Variants in ERICH3 observed in about 807,000 individuals in gnomAD.
ERICH3 encodes glutamate rich 3, also known as glutamate-rich protein 3.
In ERICH3, 126 loss-of-function variants were observed where a neutral mutation model predicts 131.1. The ratio of observed to expected loss-of-function variants is 0.96; its 90% CI spans 0.83 to 1.11. ERICH3 has a LOEUF of 1.11. ERICH3 is among the 50% of genes most tolerant of loss of function. ERICH3 has a pLI of 0.00. For missense variants in ERICH3, 2,050 were observed against 1,810.7 expected (o/e 1.13, Z -2.40); for synonymous variants, 695 against 644.6 (o/e 1.08, Z -1.18).
chr1:74,579,934 GAT>G (rs1171421752), intron 12 of ERICH3: 5 of 942,174 alleles, frequency 5.3e-6, no homozygotes, highest in Non-Finnish European at 6.3e-6. Flanking sequence ...TCACTCAAAT[GAT>G]ATAATGATAC....
rs549220922 is a variant in ERICH3 at position 74,580,466 on chromosome 1, A to C, written c.2177-3530T>G. The stretch of plus-strand genomic sequence containing the variant: ...CATTCCTGGAATATGAATTGCTATG[A>C]ATTTTTAGAAGCTTTTTATACATAT... On this transcript the variant is annotated intron_variant, in intron 12 of 14. Transcript: ENST00000326665. Among the ~76,000 whole-genome samples, 371 of 152,326 alleles carry C rather than the reference A, an allele frequency of 2.4e-3. 3 individuals carry two copies. Among genetic ancestry groups the C allele is most frequent in the African/African-American group, 8.6e-3 (357 of 41,582 alleles).
Position 74,641,313 on chromosome 1 carries a change from G to A in ERICH3, c.444+18C>T, listed in dbSNP as rs991466688. On this transcript the variant is annotated intron_variant, in intron 5 of 14. Transcript: ENST00000326665. ...ATTAGCTGGGATACTGCATGACGAA[G>A]TGTTTAATATTACTCACCAGTGCTA... is the stretch of plus-strand genomic sequence containing the variant. The A allele has an allele frequency of 2.5e-6, 4 of 1,608,550 alleles. No individual in the cohort carries two copies. The highest frequency in any genetic ancestry group is 2.7e-5 in the African/African-American group (2 of 74,364).
intron 13 of ERICH3, among the ~76,000 whole-genome samples, chr1:74,573,833 C>T (rs1647004456): frequency 1.3e-5 from 2 of 152,134 alleles, no homozygotes; most frequent in Admixed American, 6.5e-5. Context: ...AAAATCTCCA[C>T]CTCACTCTTT....
chr1:74,605,396 A>G (rs1306559935), intron 10 of ERICH3, among the ~76,000 whole-genome samples: 4 of 151,896 alleles, frequency 2.6e-5, no homozygotes, highest in Non-Finnish European at 1.5e-5. Flanking sequence ...AACTTCCTTC[A>G]GGAACTTTTC....
At chr1:74,663,800 A>G (rs1271474420) in intron 1 of ERICH3, among the ~76,000 whole-genome samples, 1 of 151,996 alleles carries the variant, frequency 6.6e-6, no homozygotes, top group African/African-American at 2.4e-5. Context: ...ACCTACCTGT[A>G]GGACTACTCA....
Position 74,646,782 on chromosome 1 carries a change from C to G in ERICH3, c.128G>C (p.Ser43Thr). Residue 43 changes from serine to threonine, a missense_variant, in exon 3 of 15, where the codon AGT (serine) becomes ACT (threonine). Coordinates refer to ENST00000326665, the MANE Select transcript of ERICH3 (RefSeq NM_001002912.5). ...HLLRSGLITR[S>T]GRILSEKEYK... Reference sequence around the variant, plus strand: ...TTCTTTTTCAGAAAGTATTCTTCCACTTCTTGTGATCTGTCATGAATAAAT... The same window carrying G: ...TTCTTTTTCAGAAAGTATTCTTCCAGTTCTTGTGATCTGTCATGAATAAAT... 1.4e-6 allele frequency: 2 copies of G among 1,472,934 alleles called. No individual in the cohort carries two copies. Among genetic ancestry groups the G allele is most frequent in the Non-Finnish European group, 1.8e-6 (2 of 1,083,568 alleles). The allele number at this position is 1,472,934 out of a possible 1,614,324, so 91.2% of individuals were successfully genotyped here.
rs753986445 is a variant in ERICH3, at chr1:74,599,850, T to C, written c.1571A>G (p.Asn524Ser). Residue 524 changes from asparagine (N) to serine (S), a missense_variant, in exon 11 of 15, where the codon AAT becomes AGT. Transcript: ENST00000326665. ...NEEGQADVQM[N>S]GIPQSPLDDK... Reference sequence around the variant, plus strand: ...ATCCAAAGGTGACTGCGGTATTCCATTCATTTGAACATCAGCCTGTCCTTC... The same window carrying C: ...ATCCAAAGGTGACTGCGGTATTCCACTCATTTGAACATCAGCCTGTCCTTC... 2.5e-6 allele frequency: 4 copies of C among 1,612,502 alleles called. No individual in the cohort carries two copies. The highest frequency in any genetic ancestry group is 3.4e-6 in the Non-Finnish European group (4 of 1,178,988).
chr1:74,572,218 T>C lies in ERICH3; in HGVS notation c.3492A>G (p.Glu1164=), dbSNP rs779873830. 23 of 1,614,172 alleles carry C rather than the reference T, an allele frequency of 1.4e-5. No individual in the cohort carries two copies. The highest frequency in any genetic ancestry group is 1.9e-5 in the Non-Finnish European group (23 of 1,180,014). Residue 1164 remains glutamate (E), a synonymous_variant, in exon 14 of 15, where the codon GAA becomes GAG. Coordinates refer to ENST00000326665, the MANE Select transcript of ERICH3 (RefSeq NM_001002912.5). ...GAGCTGTTATGTTTTCCAGCGACTT[T>C]TCAAATCCAGGCGTTGCTTCAAATA... ...VPIFEATPGF[E]KSLENITALR...
intron 12 of ERICH3, chr1:74,579,949 T>C (rs1003978102): frequency 2.2e-6 from 2 of 913,836 alleles, no homozygotes; most frequent in Non-Finnish European, 2.6e-6. Context: ...AATGATACTT[T>C]AAGGTATTTT....
chr1:74,657,946 C>A (rs1646601625), intron 1 of ERICH3, among the ~76,000 whole-genome samples: 1 of 152,084 alleles, frequency 6.6e-6, no homozygotes. Context: ...GGAAAGGTGA[C>A]CAGAATGGAA....
At chr1:74,594,551 C>T (rs1164720359) in intron 11 of ERICH3, among the ~76,000 whole-genome samples, 1 of 152,046 alleles carries the variant, frequency 6.6e-6, no homozygotes, top group African/African-American at 2.4e-5. Flanking sequence ...CAATGTTCTA[C>T]AAGAAAACAG....
intron 1 of ERICH3, among the ~76,000 whole-genome samples, chr1:74,664,735 G>A (rs149583814): frequency 5.9e-5 from 9 of 151,954 alleles, no homozygotes; most frequent in African/African-American, 1.9e-4. Context: ...AATAACAGTC[G>A]CATAAAAATG....
intron 6 of ERICH3, among the ~76,000 whole-genome samples, chr1:74,633,103 T>A (rs768387953): frequency 6.6e-6 from 1 of 151,774 alleles, no homozygotes; most frequent in African/African-American, 2.4e-5. Flanking sequence ...TAATTTTTGA[T>A]CAACTTAGTT....
rs750711491 is a variant in ERICH3 at position 74,573,449 on chromosome 1, T to A, written c.2261A>T (p.Asn754Ile). ...CAATTGCTGGGATTCCTTGTTTGAG[T>A]TGATTGCTGCTGTTTCATCCACCAT... The part of the protein sequence containing the change: ...NFMVDETAAI[N>I]SNKESQQLVQ... The change falls in exon 14 of 15, where the codon AAC (asparagine) becomes ATC (isoleucine). Residue 754 changes from asparagine to isoleucine, a missense_variant. Asn to Ile is a moderately radical substitution (Grantham distance 149). Coordinates refer to ENST00000326665, the MANE Select transcript of ERICH3 (RefSeq NM_001002912.5). 6.4e-7 allele frequency: 1 copy of A among 1,552,432 alleles called. No homozygotes were observed. Among genetic ancestry groups the A allele is most frequent in the East Asian group, 2.3e-5 (1 of 43,906 alleles).
chr1:74,621,238 A>G (rs997149216), intron 7 of ERICH3, among the ~76,000 whole-genome samples: 2 of 152,138 alleles, frequency 1.3e-5, no homozygotes, highest in African/African-American at 2.4e-5. Flanking sequence ...AAAAATTTCA[A>G]TGACACCAAG....
At position 74,606,736 on chromosome 1, in the gene ERICH3, CAG is replaced by C; in HGVS notation, c.1352_1353del (p.Ser451CysfsTer27). On this transcript the variant is annotated frameshift_variant, in exon 10 of 15. Coordinates refer to ENST00000326665, the MANE Select transcript of ERICH3 (RefSeq NM_001002912.5). LOFTEE classifies it high-confidence loss of function. The part of the protein sequence containing the change: ...KRNEIKENKT[S>X]VSAKFSAQEI... ...TCTTGAGCTGAAAATTTGGCTGAAA[CAG>C]AGGTTTTGTTCTCCTTGATCTCATT... is the stretch of plus-strand genomic sequence containing the variant. 1 of 1,613,412 alleles carries C rather than the reference CAG, an allele frequency of 6.2e-7. No individual in the cohort carries two copies. The highest frequency in any genetic ancestry group is 1.7e-5 in the Admixed American group (1 of 59,924).
intron 1 of ERICH3, among the ~76,000 whole-genome samples, chr1:74,660,663 C>T (rs1011271975): frequency 2.0e-5 from 3 of 146,642 alleles, no homozygotes; most frequent in African/African-American, 5.0e-5. Flanking sequence ...TATGTGTATA[C>T]AAGTGTATAT....
intron 8 of ERICH3, among the ~76,000 whole-genome samples, chr1:74,614,632 A>C (rs369515053): frequency 2.3e-4 from 34 of 151,024 alleles, no homozygotes; most frequent in African/African-American, 6.1e-4. Context: ...AGCCGAGATC[A>C]CGCCACTGAA....
At chr1:74,621,816 GA>G (rs1461525995) in intron 7 of ERICH3, 2 of 152,218 alleles carry the variant, frequency 1.3e-5, no homozygotes, top group Admixed American at 1.3e-4. Context: ...CAAAGGAAAG[GA>G]GGAAGAGGAA....
Sources: gnomAD v4.1 joint callset for allele counts (sites outside exome capture counted in the v4.1 genomes callset) on GRCh38, gnomAD v4.1.1 for gene constraint, MANE v1.5 for transcripts, NCBI Gene and HGNC (gene_info 2026-07-23, HGNC 2026-07-21) for gene names.